Variants in ARHGAP40 observed in about 807,000 individuals in gnomAD.
ARHGAP40 encodes the protein rho GTPase-activating protein 40.
In ARHGAP40, 43 loss-of-function variants were observed where a neutral mutation model predicts 73.5. That is an observed-to-expected ratio of 0.58 (90% CI 0.46 to 0.75). The LOEUF (loss-of-function observed/expected upper bound fraction) is 0.75. ARHGAP40 is among the 30% of genes least tolerant of loss of function. The pLI, the probability that ARHGAP40 is intolerant of heterozygous loss-of-function variation, is 0.00. For missense variants in ARHGAP40, 734 were observed against 861.8 expected, an observed-to-expected ratio of 0.85 and a Z score of 1.86; for synonymous variants, 300 against 352.8, an observed-to-expected ratio of 0.85 and a Z score of 1.68.
intron 10 of ARHGAP40, among the ~76,000 whole-genome samples, chr20:38,643,001 T>C (rs549976302): frequency 4.6e-5 from 7 of 151,886 alleles, no homozygotes; most frequent in African/African-American, 1.4e-4. Flanking sequence ...ATTAGCTGGG[T>C]GTGATGGTGC....
At chr20:38,613,746 A>G (rs2088817365) in intron 1 of ARHGAP40, among the ~76,000 whole-genome samples, 1 of 152,228 alleles carries the variant, frequency 6.6e-6, no homozygotes, top group Admixed American at 6.5e-5. Flanking sequence ...GTGATTCAGG[A>G]AGCTAAATTA....
chr20:38,613,328 CTA>C (rs1458432425), intron 1 of ARHGAP40, among the ~76,000 whole-genome samples: 2 of 152,142 alleles, frequency 1.3e-5, no homozygotes, highest in Non-Finnish European at 2.9e-5. Context: ...TCCCAGAGTG[CTA>C]TGTGAGAATT....
At chr20:38,644,027 G>C (rs116764289) in intron 11 of ARHGAP40, 117 bp downstream of exon 11, 3 of 929,224 alleles carry the variant, frequency 3.2e-6, no homozygotes, top group Non-Finnish European at 4.3e-6. Context: ...CAGGACCTTT[G>C]TTGGCCTCTG....
chr20:38,642,257 C>T (rs1283467986), intron 10 of ARHGAP40, among the ~76,000 whole-genome samples: 5 of 152,190 alleles, frequency 3.3e-5, no homozygotes, highest in African/African-American at 4.8e-5. Context: ...ACTGGTGTTC[C>T]ATGCAGAACC....
chr20:38,643,787 C>T (rs1351110894), exon 11 of ARHGAP40: 1 of 1,305,684 alleles, frequency 7.7e-7, no homozygotes, highest in Non-Finnish European at 1.0e-6. Context: ...CCGTGATGGC[C>T]CCTAACCTCT....
chr20:38,620,569 C>T (rs1467434511), intron 1 of ARHGAP40, among the ~76,000 whole-genome samples: 1 of 152,250 alleles, frequency 6.6e-6, no homozygotes, highest in Non-Finnish European at 1.5e-5. Context: ...AATCGCAAAG[C>T]AACCAAAGAA....
chr20:38,612,059 T>C (rs541018940), intron 1 of ARHGAP40, among the ~76,000 whole-genome samples: 1 of 152,286 alleles, frequency 6.6e-6, no homozygotes, highest in East Asian at 1.9e-4. Context: ...ACAACATTAA[T>C]ACTTAATGTT....
exon 15 of ARHGAP40, chr20:38,650,532 A>C (rs1568613886): frequency 2.1e-6 from 1 of 466,874 alleles, no homozygotes; most frequent in East Asian, 7.0e-5. Flanking sequence ...GGACAGAGGA[A>C]GACTTTGCTT....
chr20:38,611,558 C>T (rs895447547), intron 1 of ARHGAP40, among the ~76,000 whole-genome samples: 2 of 151,874 alleles, frequency 1.3e-5, no homozygotes, highest in African/African-American at 2.4e-5. Context: ...GCTGGGACTC[C>T]AGTTATGCAC....
intron 6 of ARHGAP40, among the ~76,000 whole-genome samples, chr20:38,635,722 A>G (rs2088970937): frequency 6.6e-6 from 1 of 151,970 alleles, no homozygotes; most frequent in Non-Finnish European, 1.5e-5. Flanking sequence ...ATAATAGAAT[A>G]TATTATAGTT....
At chr20:38,642,503 A>C (rs1456442735) in intron 10 of ARHGAP40, among the ~76,000 whole-genome samples, 1 of 152,182 alleles carries the variant, frequency 6.6e-6, no homozygotes, top group Non-Finnish European at 1.5e-5. Flanking sequence ...AAATCATAAA[A>C]GCTAACTCAT....
chr20:38,628,268 A>G (rs1046285539), intron 3 of ARHGAP40, among the ~76,000 whole-genome samples: 1 of 151,470 alleles, frequency 6.6e-6, no homozygotes, highest in African/African-American at 2.4e-5. Flanking sequence ...TCCTTGTTTC[A>G]GCCAAAGTCC....
At chr20:38,626,689 G>T (rs1415457740) in intron 2 of ARHGAP40, among the ~76,000 whole-genome samples, 1 of 152,204 alleles carries the variant, frequency 6.6e-6, no homozygotes, top group Non-Finnish European at 1.5e-5. Flanking sequence ...TTGGAGAGAA[G>T]TGGGTCCAAA....
intron 5 of ARHGAP40, among the ~76,000 whole-genome samples, 160 bp from the exon 6 acceptor site, chr20:38,634,460 G>A (rs1359799074): frequency 6.6e-6 from 1 of 152,218 alleles, no homozygotes; most frequent in Non-Finnish European, 1.5e-5. Flanking sequence ...GCAAGAGGTG[G>A]AGCTTGGACT....
Position 38,616,278 on chromosome 20 carries a change from C to T in ARHGAP40, c.138-7081C>T, listed in dbSNP as rs1313112682. Among the ~76,000 whole-genome samples, 7 of 152,362 alleles carry T rather than the reference C, an allele frequency of 4.6e-5. No individual in the cohort carries two copies. In the South Asian group the frequency reaches 6.2e-4, roughly 14 times the overall value. ...TGGCACTGCCCAACAGCGGCTGTTGCTCTTCCAGCCTTCCCCACTGGGGAC... is the reference window on the plus strand; with the variant it reads ...TGGCACTGCCCAACAGCGGCTGTTGTTCTTCCAGCCTTCCCCACTGGGGAC... On this transcript the variant is annotated intron_variant, in intron 1 of 14. Coordinates refer to ENST00000373345, the Ensembl canonical transcript of ARHGAP40.
rs2089056412 is a variant in ARHGAP40 at position 38,646,800 on chromosome 20, T to A, written c.1711-157T>A. Among the ~76,000 whole-genome samples, 1 of 152,200 alleles carries A rather than the reference T, an allele frequency of 6.6e-6. No homozygotes were observed. The highest frequency in any genetic ancestry group is 2.4e-5 in the African/African-American group (1 of 41,448). On this transcript the variant is annotated intron_variant, in intron 12 of 14. Transcript: ENST00000373345. The surrounding 1 kb of genome is among the most constrained non-coding windows in gnomAD (Gnocchi z 4.5). ...ACATCTGGAATGTGTATGTCTGTGATCTGTGCCCAAGTGTCCGGTATGCGT... is the reference window on the plus strand; with the variant it reads ...ACATCTGGAATGTGTATGTCTGTGAACTGTGCCCAAGTGTCCGGTATGCGT...
At chr20:38,640,167 C>CTTCTTCT (rs1472982780) in intron 9 of ARHGAP40, among the ~76,000 whole-genome samples, 3,807 of 56,202 alleles carry the variant, frequency 0.068, 212 homozygotes, top group African/African-American at 0.17. Flanking sequence ...TTTCTTCTTT[C>CTTCTTCT]TTCTTCTTTC....
At chr20:38,620,002 T>C (rs557079907) in intron 1 of ARHGAP40, among the ~76,000 whole-genome samples, 2 of 152,112 alleles carry the variant, frequency 1.3e-5, no homozygotes, top group Non-Finnish European at 2.9e-5. Context: ...AGCCCAAGAC[T>C]TCGAGGCAGC....
At chr20:38,609,190 A>C (rs1285386345) in intron 1 of ARHGAP40, among the ~76,000 whole-genome samples, 8 of 151,996 alleles carry the variant, frequency 5.3e-5, no homozygotes, top group Non-Finnish European at 1.0e-4. Context: ...TCACCCTTCC[A>C]TATTGCTTTT....
Sources: gnomAD v4.1 joint callset for allele counts (sites outside exome capture counted in the v4.1 genomes callset) on GRCh38, gnomAD v4.1.1 for gene constraint, Gnocchi (gnomAD v3.1) non-coding constraint, MANE v1.5 for transcripts, NCBI Gene and HGNC (gene_info 2026-07-23, HGNC 2026-07-21) for gene names.